The following ZNF862 variants were observed in gnomAD, a reference collection of about 807,000 sequenced individuals.
ZNF862 encodes the protein zinc finger protein 862.
Under a neutral mutation model 91.1 loss-of-function variants are expected in ZNF862, and 64 were observed. The ratio of observed to expected loss-of-function variants is 0.70; its 90% CI spans 0.57 to 0.87. The LOEUF is 0.87. ZNF862 is among the 40% of genes least tolerant of loss of function. The pLI is 0.00. For missense variants in ZNF862, 1,459 were observed against 1,528.0 expected (o/e 0.95, Z 0.75); for synonymous variants, 631 against 618.1 (o/e 1.02, Z -0.31).
intron 5 of ZNF862, among the ~76,000 whole-genome samples, chr7:149,852,988 G>GT (rs1215029324): frequency 1.3e-5 from 2 of 152,338 alleles, no homozygotes; most frequent in African/African-American, 4.8e-5. Flanking sequence ...GGGAGTTCGA[G>GT]TCCCCCAGCT....
rs775047179 is a variant in ZNF862, at chr7:149,847,876, G to A, written c.383G>A (p.Gly128Glu). ...GGACACATCGAGGGAGACTGGGCCG[G>A]AAGAAACAGGAAACTTCTGAAGCCC... is the stretch of plus-strand genomic sequence containing the variant. ...GSGHIEGDWA[G>E]RNRKLLKPRS... Residue 128 changes from glycine to glutamate, a missense_variant, in exon 4 of 8, where the codon GGA becomes GAA. Transcript: ENST00000223210. The A allele has an allele frequency of 6.2e-7, 1 of 1,610,390 alleles. No homozygotes were observed. Among genetic ancestry groups the A allele is most frequent in the African/African-American group, 1.3e-5 (1 of 74,850 alleles).
At chr7:149,839,629 C>T (rs1801631973) in intron 1 of ZNF862, among the ~76,000 whole-genome samples, 1 of 152,272 alleles carries the variant, frequency 6.6e-6, no homozygotes, top group Middle Eastern at 3.4e-3. Flanking sequence ...TCTTTTGATG[C>T]TGTAGTTTTT....
Position 149,860,676 on chromosome 7 carries a change from G to A in ZNF862, c.1516G>A (p.Gly506Ser). The A allele has an allele frequency of 6.2e-7, 1 of 1,614,004 alleles. No individual in the cohort carries two copies. Among genetic ancestry groups the A allele is most frequent in the Non-Finnish European group, 8.5e-7 (1 of 1,179,898 alleles). The change falls in exon 7 of 8, where the codon GGT becomes AGT. Residue 506 changes from glycine (G) to serine (S), a missense_variant. Transcript: ENST00000223210. ...TGATAAATCATCTCGGTTAGTCAGA[G>A]GTTACACGGGGCCTTTTAAAGTGGA... ...LHDKSSRLVR[G>S]YTGPFKVETL...
At position 149,860,815 on chromosome 7, in the gene ZNF862, T is replaced by C. The variant is rs1250437050; in HGVS notation, c.1655T>C (p.Met552Thr). 2.5e-6 allele frequency: 4 copies of C among 1,613,674 alleles called. No homozygotes were observed. Among genetic ancestry groups the C allele is most frequent in the Non-Finnish European group, 3.4e-6 (4 of 1,179,882 alleles). The change falls in exon 7 of 8, where the codon ATG becomes ACG. Residue 552 changes from methionine (M) to threonine (T), a missense_variant. Physicochemically the swap from Met to Thr is moderately conservative, Grantham distance 81. Transcript: ENST00000223210. ...ALVPEISSDL[M>T]ANMEHFFNAA... ...GTTCCAGAGATCTCCAGCGACCTCA[T>C]GGCCAACATGGAGCACTTTTTCAAT... is the stretch of plus-strand genomic sequence containing the variant.
chr7:149,846,317 A>T, intron 3 of ZNF862, 62 bp downstream of exon 3: 1 of 1,302,866 alleles, frequency 7.7e-7, no homozygotes, highest in East Asian at 2.4e-5. Flanking sequence ...GGGCAGCCCC[A>T]GGACTCCAGG....
intron 1 of ZNF862, chr7:149,840,951 G>C (rs1563114680): frequency 1.0e-6 from 1 of 985,280 alleles, no homozygotes; most frequent in Admixed American, 6.1e-5. Context: ...GGAGAAACCT[G>C]ATTCCGTGTC....
In ZNF862 at chr7:149,848,182, G is replaced by T. The variant is rs766624075; in HGVS notation, c.689G>T (p.Ser230Ile). 1.2e-6 allele frequency: 2 copies of T among 1,613,904 alleles called. No individual in the cohort carries two copies. The highest frequency in any genetic ancestry group is 1.7e-6 in the Non-Finnish European group (2 of 1,179,906). ...GACCCACCTGGAGATGTTCTGGCCA[G>T]CCCGGAGCCGCTCTTCACTGCAGAT... ...IRDPPGDVLA[S>I]PEPLFTADCP... is the part of the protein sequence containing the mutation. The change falls in exon 4 of 8, where the codon AGC (serine) becomes ATC (isoleucine). Residue 230 changes from serine to isoleucine, a missense_variant. Transcript: ENST00000223210.
Position 149,861,513 on chromosome 7 carries a change from A to C in ZNF862, c.2353A>C (p.Asn785His). 1.2e-6 allele frequency: 2 copies of C among 1,609,836 alleles called. No homozygotes were observed. The highest frequency in any genetic ancestry group is 1.7e-6 in the Non-Finnish European group (2 of 1,178,552). The part of the protein sequence containing the change: ...EQEIIRLKDL[N>H]AVRWVASRRR... Reference sequence around the variant, plus strand: ...GGAGATCATCCGCCTGAAGGATCTGAATGCGGTCCGCTGGGTGGCCAGCAG... The same window carrying C: ...GGAGATCATCCGCCTGAAGGATCTGCATGCGGTCCGCTGGGTGGCCAGCAG... Residue 785 changes from asparagine to histidine, a missense_variant, in exon 7 of 8, where the codon AAT (asparagine) becomes CAT (histidine). Physicochemically the swap from Asn to His is moderately conservative, Grantham distance 68 (BLOSUM62 1). Coordinates refer to ENST00000223210, the MANE Select transcript of ZNF862 (RefSeq NM_001099220.3). The surrounding 1 kb of genome is among the most constrained non-coding windows in gnomAD (Gnocchi z 6.7).
At position 149,862,176 on chromosome 7, in the gene ZNF862, T is replaced by A; in HGVS notation, c.3016T>A (p.Ser1006Thr). Reference protein sequence around the residue: ...LKTIAQHLPFSMLCKNALAQH... With the variant: ...LKTIAQHLPFTMLCKNALAQH... ...AACCATTGCCCAGCACCTCCCGTTC[T>A]CCATGCTCTGCAAAAACGCCCTGGC... is the stretch of plus-strand genomic sequence containing the variant. The change falls in exon 7 of 8, where the codon TCC becomes ACC. Residue 1006 changes from serine to threonine, a missense_variant. Physicochemically the swap from Ser to Thr is moderately conservative, Grantham distance 58. Transcript: ENST00000223210. 6.2e-7 allele frequency: 1 copy of A among 1,613,398 alleles called. No individual in the cohort carries two copies. The highest frequency in any genetic ancestry group is 2.2e-5 in the East Asian group (1 of 44,834).
At chr7:149,842,437 A>G (rs961291684) in intron 1 of ZNF862, among the ~76,000 whole-genome samples, 4 of 152,320 alleles carry the variant, frequency 2.6e-5, no homozygotes, top group Non-Finnish European at 5.9e-5. Context: ...TGCATTACAC[A>G]TAGGTGAGGA....
chr7:149,859,416 C>A lies in ZNF862; in HGVS notation c.1118-6C>A, dbSNP rs754070229. On this transcript the variant is annotated splice_polypyrimidine_tract_variant and splice_region_variant and intron_variant, in intron 5 of 7. Transcript: ENST00000223210. ...ACATCAGCATGATTCTTCATCCTTA[C>A]AACAGGACCTGCCGCTGCCAAGCCA... The A allele has an allele frequency of 1.5e-5, 23 of 1,565,916 alleles. No homozygotes were observed. Among genetic ancestry groups the A allele is most frequent in the Admixed American group, 5.7e-5 (3 of 52,756 alleles).
intron 2 of ZNF862, chr7:149,845,121 A>G (rs1801827377): frequency 1.0e-5 from 2 of 191,520 alleles, no homozygotes; most frequent in African/African-American, 4.7e-5. Context: ...TGTGATGTGG[A>G]AATCTGGTCT....
intron 1 of ZNF862, among the ~76,000 whole-genome samples, chr7:149,843,167 C>G (rs1279245871): frequency 6.6e-6 from 1 of 152,086 alleles, no homozygotes; most frequent in Non-Finnish European, 1.5e-5. Context: ...TTTCTGCAGT[C>G]AACATGAGAA....
chr7:149,842,074 C>T (rs1350774645), intron 1 of ZNF862, among the ~76,000 whole-genome samples: 2 of 152,142 alleles, frequency 1.3e-5, no homozygotes, highest in African/African-American at 4.8e-5. Flanking sequence ...GCCTTCCTTG[C>T]TCAGGAGAAG....
At chr7:149,847,629 G>GATT in intron 3 of ZNF862, 106 bp from the exon 4 acceptor site, 1 of 594,360 alleles carries the variant, frequency 1.7e-6, no homozygotes, top group Non-Finnish European at 2.9e-6. Flanking sequence ...GTGTGTGTGT[G>GATT]TGTGCTTTCC....
At chr7:149,852,790 G>A (rs1802110647) in intron 5 of ZNF862, 1 of 152,254 alleles carries the variant, frequency 6.6e-6, no homozygotes, top group Non-Finnish European at 1.5e-5. Context: ...TAGGGACTAT[G>A]TGGGTAGCCC....
intron 3 of ZNF862, among the ~76,000 whole-genome samples, chr7:149,847,052 C>T (rs1027893774): frequency 8.5e-5 from 13 of 152,190 alleles, no homozygotes; most frequent in Non-Finnish European, 1.3e-4. Flanking sequence ...AGAAGTGGTT[C>T]CACAGGAGTT....
At chr7:149,856,876 A>G (rs942249664) in intron 5 of ZNF862, among the ~76,000 whole-genome samples, 9 of 152,240 alleles carry the variant, frequency 5.9e-5, no homozygotes, top group Admixed American at 3.9e-4. Context: ...AAAACATCAT[A>G]TTCTTCCCTC....
chr7:149,842,898 A>G (rs977044259), intron 1 of ZNF862, among the ~76,000 whole-genome samples: 2 of 152,250 alleles, frequency 1.3e-5, no homozygotes, highest in East Asian at 1.9e-4. Flanking sequence ...TTGTCTTCCA[A>G]TCGGTTTTTG....
Sources: allele counts gnomAD v4.1 joint callset (sites outside exome capture counted in the v4.1 genomes callset), GRCh38; gene constraint gnomAD v4.1.1; non-coding constraint Gnocchi (gnomAD v3.1); transcripts MANE v1.5; gene names NCBI Gene and HGNC (gene_info 2026-07-23, HGNC 2026-07-21).